P3H2: variants seen among roughly 807,000 people sequenced by gnomAD.
P3H2 encodes the protein leprecan-like 1.
In P3H2, 80 loss-of-function variants were observed where a neutral mutation model predicts 87.0. The ratio of observed to expected loss-of-function variants is 0.92; its 90% CI spans 0.77 to 1.11. The LOEUF (loss-of-function observed/expected upper bound fraction) is 1.11. P3H2 is among the 50% of genes least tolerant of loss of function. P3H2 has a pLI of 0.00. For missense variants in P3H2, 1,001 were observed against 923.9 expected (o/e 1.08, Z -1.08); for synonymous variants, 367 against 359.3 (o/e 1.02, Z -0.24).
At chr3:190,018,519 G>A (rs1444482290) in intron 1 of P3H2, among the ~76,000 whole-genome samples, 1 of 152,046 alleles carries the variant, frequency 6.6e-6, no homozygotes, top group African/African-American at 2.4e-5. Context: ...ACCAGCTTGG[G>A]CAACATAGCA....
intron 1 of P3H2, among the ~76,000 whole-genome samples, chr3:190,038,486 G>GA (rs57971408): frequency 2.6e-3 from 242 of 92,520 alleles, no homozygotes; most frequent in African/African-American, 6.8e-3. Flanking sequence ...ACTGCAGAAT[G>GA]AAAAAAAAAA....
intron 1 of P3H2, among the ~76,000 whole-genome samples, chr3:190,040,346 A>G (rs1725569814): frequency 6.6e-6 from 1 of 152,238 alleles, no homozygotes; most frequent in Admixed American, 6.5e-5. Context: ...TGGTGTGCAC[A>G]CAGGATTACC....
chr3:190,120,913 CCAGCCG>C (rs1712556076), upstream of P3H2: 4 of 963,652 alleles, frequency 4.2e-6, no homozygotes, highest in Non-Finnish European at 5.8e-6. Flanking sequence ...CCGTGCCTGG[CCAGCCG>C]CTCTTAAAGG....
At chr3:190,059,297 G>A (rs551482444) in intron 1 of P3H2, among the ~76,000 whole-genome samples, 1 of 152,274 alleles carries the variant, frequency 6.6e-6, no homozygotes, top group Non-Finnish European at 1.5e-5. Context: ...GATGCAGACA[G>A]TAGGTGGGTC....
intron 1 of P3H2, among the ~76,000 whole-genome samples, chr3:190,062,756 A>G (rs540296735): frequency 1.5e-4 from 23 of 152,272 alleles, no homozygotes; most frequent in Non-Finnish European, 2.9e-4. Flanking sequence ...AATTAATAAT[A>G]GTATCTTGCA....
intron 1 of P3H2, among the ~76,000 whole-genome samples, chr3:190,086,767 G>C (rs1727225487): frequency 6.6e-6 from 1 of 152,184 alleles, no homozygotes; most frequent in African/African-American, 2.4e-5. Flanking sequence ...CTACCAAGAA[G>C]TCACACAAAG....
At chr3:190,114,810 A>T (rs1478931206) in intron 1 of P3H2, among the ~76,000 whole-genome samples, 2 of 152,262 alleles carry the variant, frequency 1.3e-5, no homozygotes, top group Non-Finnish European at 2.9e-5. Flanking sequence ...AGCTATTTCA[A>T]GAAGATATGA....
intron 1 of P3H2, among the ~76,000 whole-genome samples, chr3:190,115,475 G>A (rs1435712531): frequency 6.6e-6 from 1 of 150,406 alleles, no homozygotes; most frequent in Admixed American, 6.6e-5. Context: ...GATTATAAAG[G>A]ACACAGATAA....
At chr3:190,042,679 T>C (rs1341509648) in intron 1 of P3H2, among the ~76,000 whole-genome samples, 1 of 152,214 alleles carries the variant, frequency 6.6e-6, no homozygotes, top group Non-Finnish European at 1.5e-5. Context: ...AGTAAACCTT[T>C]TGACCTGAAT....
intron 1 of P3H2, among the ~76,000 whole-genome samples, chr3:190,082,071 C>T (rs1553881789): frequency 6.6e-6 from 1 of 152,090 alleles, no homozygotes; most frequent in Non-Finnish European, 1.5e-5. Context: ...GTCTGGCTAA[C>T]AGGGTGAAAC....
At chr3:190,114,195 T>A (rs974490071) in intron 1 of P3H2, among the ~76,000 whole-genome samples, 3 of 150,350 alleles carry the variant, frequency 2.0e-5, no homozygotes, top group Middle Eastern at 3.4e-3. Flanking sequence ...TATTATTTTT[T>A]TTTTTTGAGG....
rs1722682609 is a variant in P3H2, at chr3:189,957,735, A to G, written c.*177T>C. ...GAGAGAGAGAGAGAGAAAACAACCC[A>G]AAACAAGAAAGATAGATTGATAGAT... On this transcript the variant is annotated 3_prime_UTR_variant, in exon 15 of 15. Coordinates refer to ENST00000319332, the MANE Select transcript of P3H2 (RefSeq NM_018192.4). 1.6e-6 allele frequency: 1 copy of G among 620,602 alleles called. No homozygotes were observed. The highest frequency in any genetic ancestry group is 1.8e-5 in the African/African-American group (1 of 54,186). The allele number at this position is 620,602 out of a possible 1,614,324, so 38.4% of individuals were successfully genotyped here. A position where few individuals can be genotyped will look rare whatever the true frequency, so the allele number is the denominator to read the frequency against.
At chr3:190,009,610 T>C (rs916976921) in intron 1 of P3H2, among the ~76,000 whole-genome samples, 1 of 152,220 alleles carries the variant, frequency 6.6e-6, no homozygotes, top group East Asian at 1.9e-4. Context: ...AAACGTTTCA[T>C]ATTTTGAAGA....
At chr3:190,039,751 G>A (rs1725542541) in intron 1 of P3H2, among the ~76,000 whole-genome samples, 1 of 152,214 alleles carries the variant, frequency 6.6e-6, no homozygotes, top group South Asian at 2.1e-4. Context: ...CAGGAAGGAG[G>A]AATCAGTATG....
In P3H2 at chr3:190,039,529, G is replaced by A. The variant is rs974777801; in HGVS notation, c.481-44087C>T. 3.3e-5 allele frequency among the ~76,000 whole-genome samples: 5 copies of A among 152,236 alleles called. 1 individual carries two copies. Among genetic ancestry groups the A allele is most frequent in the Middle Eastern group, 6.8e-3 (2 of 294 alleles). On this transcript the variant is annotated intron_variant, in intron 1 of 14. Transcript: ENST00000319332. The stretch of plus-strand genomic sequence containing the variant: ...CTTATATATTGTTAATTGCAAAACC[G>A]TTGAACCTTTTATTTAAAAACATGT...
intron 1 of P3H2, among the ~76,000 whole-genome samples, chr3:190,069,065 A>C (rs1231333402): frequency 6.6e-6 from 1 of 152,220 alleles, no homozygotes; most frequent in African/African-American, 2.4e-5. Flanking sequence ...CATTCTAACA[A>C]AAATTCTGGT....
At chr3:189,967,455 A>G (rs1723037328) in intron 13 of P3H2, among the ~76,000 whole-genome samples, 1 of 146,738 alleles carries the variant, frequency 6.8e-6, no homozygotes, top group Non-Finnish European at 1.5e-5. Flanking sequence ...AAATACGGCC[A>G]CTAGATGGAG....
intron 1 of P3H2, among the ~76,000 whole-genome samples, chr3:190,035,696 A>G (rs550902768): frequency 6.6e-6 from 1 of 152,284 alleles, no homozygotes; most frequent in African/African-American, 2.4e-5. Flanking sequence ...GGACAGCAGG[A>G]TGGGAGTATT....
intron 11 of P3H2, 79 bp downstream of exon 11, chr3:189,972,795 C>T (rs2045294115): frequency 2.1e-6 from 3 of 1,417,604 alleles, no homozygotes; most frequent in Non-Finnish European, 3.0e-6. Flanking sequence ...ATCTACCATG[C>T]TGTTGAGCTT....
Sources: allele counts gnomAD v4.1 joint callset (sites outside exome capture counted in the v4.1 genomes callset), GRCh38; gene constraint gnomAD v4.1.1; transcripts MANE v1.5; gene names NCBI Gene and HGNC (gene_info 2026-07-23, HGNC 2026-07-21).